The following PLD5 variants were observed in gnomAD, a reference collection of about 807,000 sequenced individuals.
The protein encoded by PLD5 is phospholipase D family member 5.
PLD5 carries 36 observed loss-of-function variants against 61.1 expected under a neutral mutation model. That is an observed-to-expected ratio of 0.59 (90% CI 0.45 to 0.78). The LOEUF (loss-of-function observed/expected upper bound fraction) is 0.78. PLD5 is among the 30% of genes least tolerant of loss of function. The probability of loss-of-function intolerance (pLI) is 0.00; values close to 1 mark genes in which losing one functional copy is unlikely to be tolerated. For synonymous variants in PLD5, 243 were observed against 242.8 expected (o/e 1.00, Z -0.01); for missense variants, 515 against 644.4 (o/e 0.80, Z 2.17).
At chr1:242,306,065 C>T (rs1370487584) in intron 2 of PLD5, among the ~76,000 whole-genome samples, 3 of 151,796 alleles carry the variant, frequency 2.0e-5, no homozygotes, top group Admixed American at 2.0e-4. Flanking sequence ...GACTCTAGGC[C>T]CTGGGGCTCC....
chr1:242,316,130 T>C (rs1334040437), intron 2 of PLD5, among the ~76,000 whole-genome samples: 4 of 152,228 alleles, frequency 2.6e-5, no homozygotes, highest in East Asian at 3.9e-4. Flanking sequence ...ACAATAAATG[T>C]AAAGTGCTTA....
chr1:242,324,124 CA>C (rs1446034910), intron 2 of PLD5, among the ~76,000 whole-genome samples: 3 of 151,740 alleles, frequency 2.0e-5, no homozygotes, highest in Non-Finnish European at 4.4e-5. Flanking sequence ...CTCCCCTTCA[CA>C]ACAAAGCAAT....
rs139035471 is a variant in PLD5, at chr1:242,515,199, C to CGTGTGT, written c.189+8883_189+8888dup. 5.1e-3 allele frequency among the ~76,000 whole-genome samples: 765 copies of CGTGTGT among 149,132 alleles called. 9 individuals are homozygous for CGTGTGT. Among genetic ancestry groups the CGTGTGT allele is most frequent in the African/African-American group, 0.018 (713 of 39,990 alleles). ...TGCTTCAGCTTTGCCTTTGTGTGTG[C>CGTGTGT]GTGTGTGTGTGTGTGTGTGTGAGAG... On this transcript the variant is annotated intron_variant, in intron 1 of 9. Coordinates refer to ENST00000536534, the MANE Select transcript of PLD5 (RefSeq NM_001372062.1).
At chr1:242,110,091 TATTATTA>T (rs1661367243) in intron 7 of PLD5, among the ~76,000 whole-genome samples, 1 of 137,352 alleles carries the variant, frequency 7.3e-6, no homozygotes, top group Admixed American at 7.5e-5. Context: ...ATTATTATTA[TATTATTA>T]TATTATCATA....
chr1:242,231,939 G>GAAA (rs985277684), intron 4 of PLD5, among the ~76,000 whole-genome samples: 3 of 111,726 alleles, frequency 2.7e-5, no homozygotes, highest in African/African-American at 6.1e-5. Flanking sequence ...TTAAAATAAG[G>GAAA]AAAAAAAAAA....
intron 5 of PLD5, among the ~76,000 whole-genome samples, chr1:242,157,687 G>A (rs1292357492): frequency 1.3e-5 from 2 of 152,184 alleles, no homozygotes; most frequent in African/African-American, 2.4e-5. Context: ...AAAGATTGCT[G>A]CCTGTTCTTT....
At chr1:242,274,859 T>A (rs1440623981) in intron 3 of PLD5, among the ~76,000 whole-genome samples, 3 of 152,176 alleles carry the variant, frequency 2.0e-5, no homozygotes, top group East Asian at 3.9e-4. Context: ...TTCTTTGTAC[T>A]CAAAGAGACT....
At chr1:242,123,387 C>T (rs1173570258) in intron 6 of PLD5, among the ~76,000 whole-genome samples, 1 of 152,162 alleles carries the variant, frequency 6.6e-6, no homozygotes, top group African/African-American at 2.4e-5. Flanking sequence ...ATTATTTACC[C>T]TCTTACTCCA....
chr1:242,263,302 TC>T (rs1029156611), intron 4 of PLD5, among the ~76,000 whole-genome samples: 1 of 151,652 alleles, frequency 6.6e-6, no homozygotes, highest in African/African-American at 2.4e-5. Context: ...CCTATTTTTT[TC>T]GTGGGATATT....
At chr1:242,421,050 C>T (rs979513219) in intron 1 of PLD5, among the ~76,000 whole-genome samples, 10 of 151,572 alleles carry the variant, frequency 6.6e-5, no homozygotes, top group Admixed American at 2.0e-4. Flanking sequence ...CGTGGTGGCA[C>T]GCGCCTGTAG....
chr1:242,445,492 C>T (rs1228873211), intron 1 of PLD5, among the ~76,000 whole-genome samples: 1 of 152,126 alleles, frequency 6.6e-6, no homozygotes, highest in African/African-American at 2.4e-5. Flanking sequence ...CAGGTGCCCA[C>T]CACCACACTG....
chr1:242,504,488 C>T (rs1164810655), intron 1 of PLD5, among the ~76,000 whole-genome samples: 1 of 152,218 alleles, frequency 6.6e-6, no homozygotes, highest in Non-Finnish European at 1.5e-5. Flanking sequence ...TTACTCAATT[C>T]ATTTTCATAC....
At chr1:242,317,230 G>C (rs1222723585) in intron 2 of PLD5, among the ~76,000 whole-genome samples, 1 of 152,024 alleles carries the variant, frequency 6.6e-6, no homozygotes, top group African/African-American at 2.4e-5. Flanking sequence ...GTCTAGACTG[G>C]TCTCGAACTC....
intron 1 of PLD5, among the ~76,000 whole-genome samples, chr1:242,431,149 C>T (rs529920451): frequency 6.4e-4 from 97 of 152,312 alleles, no homozygotes; most frequent in Non-Finnish European, 4.9e-4. Context: ...CACGCTGTTG[C>T]GTAACCATCA....
Position 242,084,688 on chromosome 1 carries a change from C to T in PLD5, c.*5166G>A, listed in dbSNP as rs781162057. On this transcript the variant is annotated 3_prime_UTR_variant, in exon 10 of 10. Transcript: ENST00000536534. ...GACACTAGGTTCTCTAGTGGGGTCT[C>T]TATGATTGTTTCTTTTTCTCACTAA... 1 of 136,692 alleles carries T rather than the reference C, an allele frequency of 7.3e-6. No homozygotes were observed. The highest frequency in any genetic ancestry group is 1.5e-5 in the Non-Finnish European group (1 of 65,544). 8.5% of individuals were successfully genotyped at this position (136,692 alleles called of 1,614,324 possible). A position where few individuals can be genotyped will look rare whatever the true frequency, so the allele number is the denominator to read the frequency against.
intron 5 of PLD5, among the ~76,000 whole-genome samples, chr1:242,179,133 GT>G (rs1161186173): frequency 2.6e-5 from 4 of 152,208 alleles, no homozygotes; most frequent in Non-Finnish European, 5.9e-5. Context: ...AGTGGCATGA[GT>G]GGGGCAATTA....
chr1:242,437,522 C>A (rs555341943), intron 1 of PLD5, among the ~76,000 whole-genome samples: 2 of 152,176 alleles, frequency 1.3e-5, no homozygotes, highest in East Asian at 1.9e-4. Flanking sequence ...CATGGAAAAA[C>A]CCTGTCTCTA....
intron 8 of PLD5, among the ~76,000 whole-genome samples, 183 bp downstream of exon 8, chr1:242,107,488 A>G (rs910804518): frequency 3.7e-5 from 3 of 80,948 alleles, no homozygotes; most frequent in African/African-American, 5.9e-5. Flanking sequence ...AGGCATCAGG[A>G]AACATGAGCT....
At chr1:242,143,226 T>C (rs71648685) in intron 5 of PLD5, among the ~76,000 whole-genome samples, 3 of 151,026 alleles carry the variant, frequency 2.0e-5, no homozygotes, top group African/African-American at 7.3e-5. Flanking sequence ...TCTTTTTTTG[T>C]ATTTTTAGTA....
Sources: gnomAD v4.1 joint callset for allele counts (sites outside exome capture counted in the v4.1 genomes callset) on GRCh38, gnomAD v4.1.1 for gene constraint, MANE v1.5 for transcripts, NCBI Gene and HGNC (gene_info 2026-07-23, HGNC 2026-07-21) for gene names.